MARCHF1: variants seen among roughly 807,000 people sequenced by gnomAD.
The protein encoded by MARCHF1 is membrane associated ring-CH-type finger 1.
Under a neutral mutation model 54.2 loss-of-function variants are expected in MARCHF1, and 40 were observed. The ratio of observed to expected loss-of-function variants is 0.74; its 90% confidence interval spans 0.57 to 0.96. The LOEUF (loss-of-function observed/expected upper bound fraction) is 0.96. Ranked by LOEUF, MARCHF1 falls within the 40% of genes least tolerant of loss-of-function variation. The pLI, the probability that MARCHF1 is intolerant of heterozygous loss-of-function variation, is 0.00. For synonymous variants in MARCHF1, 236 were observed against 236.3 expected (o/e 1.00, Z 0.01); for missense variants, 586 against 656.5 (o/e 0.89, Z 1.17).
chr4:164,212,423 T>G (rs957016895), intron 1 of MARCHF1, among the ~76,000 whole-genome samples: 1 of 152,106 alleles, frequency 6.6e-6, no homozygotes, highest in Non-Finnish European at 1.5e-5. Context: ...GGCTCTGAAT[T>G]ATTTAAAGAC....
chr4:164,101,810 A>C (rs1369124876), intron 2 of MARCHF1, among the ~76,000 whole-genome samples: 7 of 150,410 alleles, frequency 4.7e-5, no homozygotes, highest in Admixed American at 1.3e-4. Flanking sequence ...CGATCAAATT[A>C]CTCTGAGCTA....
intron 3 of MARCHF1, among the ~76,000 whole-genome samples, chr4:163,924,585 C>G (rs1029982964): frequency 6.6e-6 from 1 of 151,906 alleles, no homozygotes; most frequent in African/African-American, 2.4e-5. Flanking sequence ...TGTATAGTGA[C>G]AAGAATTTAT....
Position 164,119,671 on chromosome 4 carries a change from T to C in MARCHF1, c.-322-8009A>G, listed in dbSNP as rs77676970. ...TAACAAAAGTGGAATAACTTTTGAA[T>C]AGTTGAAACTAATAATGTTTTAAAA... On this transcript the variant is annotated intron_variant, in intron 1 of 9. Coordinates refer to ENST00000514618, the MANE Select transcript of MARCHF1 (RefSeq NM_001394959.1). 1.8e-3 allele frequency among the ~76,000 whole-genome samples: 270 copies of C among 150,928 alleles called. 1 individual carries two copies. The highest frequency in any genetic ancestry group is 3.3e-3 in the Non-Finnish European group (222 of 67,838).
rs967135028 is a variant in MARCHF1 at position 164,283,403 on chromosome 4, C to T, written c.-323+100467G>A. On this transcript the variant is annotated intron_variant, in intron 1 of 9. Transcript: ENST00000514618. ...TATATAAGCTGCTGTAGAGGAATTG[C>T]TTACCTGTTCATCACAAAATATATG... 3.3e-5 allele frequency among the ~76,000 whole-genome samples: 5 copies of T among 150,842 alleles called. 1 individual carries two copies. The highest frequency in any genetic ancestry group is 5.9e-5 in the Non-Finnish European group (4 of 67,940).
intron 1 of MARCHF1, chr4:164,188,598 AT>A: frequency 1.2e-6 from 1 of 854,024 alleles, no homozygotes; most frequent in Non-Finnish European, 2.1e-6. Flanking sequence ...GAAGGGGAAT[AT>A]CTGATCGGCG....
chr4:163,831,824 C>T (rs1424946677), intron 4 of MARCHF1, among the ~76,000 whole-genome samples: 1 of 152,094 alleles, frequency 6.6e-6, no homozygotes, highest in East Asian at 1.9e-4. Context: ...TGTGGTAATT[C>T]TTTGGTGTGG....
At position 163,637,161 on chromosome 4, in the gene MARCHF1, T is replaced by A. The variant is rs868446636; in HGVS notation, c.163-23768A>T. 7.6e-3 allele frequency among the ~76,000 whole-genome samples: 1,152 copies of A among 151,218 alleles called. 14 individuals carry two copies. Among genetic ancestry groups the A allele is most frequent in the African/African-American group, 0.026 (1,056 of 40,658 alleles). ...AAAAACCCTAGAAGAAAACCTAGGC[T>A]TTACCATTCAGGACATAGGCATGGG... On this transcript the variant is annotated intron_variant, in intron 5 of 9. Transcript: ENST00000514618.
chr4:163,766,752 T>A (rs1251291349), intron 4 of MARCHF1, among the ~76,000 whole-genome samples: 1 of 152,212 alleles, frequency 6.6e-6, no homozygotes, highest in Non-Finnish European at 1.5e-5. Context: ...ATTTGCTTCA[T>A]TTTTTAGAGC....
intron 1 of MARCHF1, among the ~76,000 whole-genome samples, chr4:164,269,876 T>G (rs1447356756): frequency 6.6e-6 from 1 of 152,160 alleles, no homozygotes; most frequent in African/African-American, 2.4e-5. Context: ...TAGCGTTATT[T>G]GTTTGTTCTT....
intron 4 of MARCHF1, among the ~76,000 whole-genome samples, chr4:163,809,002 C>T (rs1748308405): frequency 1.3e-5 from 2 of 152,146 alleles, no homozygotes; most frequent in Non-Finnish European, 2.9e-5. Context: ...ACCTCTACCA[C>T]CTCATCTCAA....
chr4:163,583,889 T>A (rs895022395), intron 8 of MARCHF1: 1 of 151,594 alleles, frequency 6.6e-6, no homozygotes, highest in Admixed American at 6.6e-5. Flanking sequence ...ACTCCTGGGC[T>A]CAAGGGATAC....
At chr4:163,968,075 CT>C (rs1752478432) in intron 3 of MARCHF1, among the ~76,000 whole-genome samples, 1 of 152,138 alleles carries the variant, frequency 6.6e-6, no homozygotes, top group Non-Finnish European at 1.5e-5. Context: ...AAAATTTCCC[CT>C]GCATTGCTGG....
intron 1 of MARCHF1, among the ~76,000 whole-genome samples, chr4:164,341,655 G>T (rs187540342): frequency 2.4e-4 from 36 of 152,326 alleles, no homozygotes; most frequent in East Asian, 1.3e-3. Flanking sequence ...GGTGGAAGGG[G>T]TGAAGGGTCT....
chr4:163,711,552 G>A (rs1471203711), intron 4 of MARCHF1, among the ~76,000 whole-genome samples: 1 of 152,174 alleles, frequency 6.6e-6, no homozygotes, highest in Non-Finnish European at 1.5e-5. Flanking sequence ...AGTCCTGGTA[G>A]ATTACAGGAA....
intron 4 of MARCHF1, among the ~76,000 whole-genome samples, chr4:163,831,598 T>C (rs1202969849): frequency 3.3e-5 from 5 of 149,638 alleles, no homozygotes; most frequent in Non-Finnish European, 5.9e-5. Flanking sequence ...AATTAATCAA[T>C]TAAATTTTAA....
At chr4:164,021,205 A>C (rs1214438108) in intron 2 of MARCHF1, among the ~76,000 whole-genome samples, 1 of 151,226 alleles carries the variant, frequency 6.6e-6, no homozygotes, top group East Asian at 2.0e-4. Context: ...CAGATAATTT[A>C]TTTCCTGGGC....
At chr4:163,697,302 T>C (rs1345966130) in intron 5 of MARCHF1, among the ~76,000 whole-genome samples, 3 of 152,140 alleles carry the variant, frequency 2.0e-5, no homozygotes, top group African/African-American at 7.2e-5. Flanking sequence ...CAGTGAATCA[T>C]CCTTAACAGG....
At chr4:163,643,124 C>T (rs1228452905) in intron 5 of MARCHF1, among the ~76,000 whole-genome samples, 1 of 147,074 alleles carries the variant, frequency 6.8e-6, no homozygotes, top group Non-Finnish European at 1.5e-5. Flanking sequence ...ACCAGCCTGG[C>T]CAACATGGTA....
chr4:163,838,973 A>G (rs1749264951), intron 4 of MARCHF1, among the ~76,000 whole-genome samples: 2 of 152,098 alleles, frequency 1.3e-5, no homozygotes, highest in South Asian at 4.1e-4. Flanking sequence ...GACAACCCAT[A>G]AACTAAAAGA....
Sources: gnomAD v4.1 joint callset for allele counts (sites outside exome capture counted in the v4.1 genomes callset) on GRCh38, gnomAD v4.1.1 for gene constraint, MANE v1.5 for transcripts, NCBI Gene and HGNC (gene_info 2026-07-23, HGNC 2026-07-21) for gene names.